RUNX1: variants seen among roughly 807,000 people sequenced by gnomAD.
RUNX1 encodes runt-related transcription factor 1.
RUNX1 carries 19 observed loss-of-function variants against 42.8 expected under a neutral mutation model. The ratio of observed to expected loss-of-function variants is 0.44; its 90% CI spans 0.31 to 0.65. RUNX1 has a LOEUF of 0.65. Ranked by LOEUF, RUNX1 falls within the 30% of genes least tolerant of loss-of-function variation. The pLI is 0.07. For missense variants in RUNX1, 528 were observed against 672.0 expected, an observed-to-expected ratio of 0.79 and a Z score of 2.37; for synonymous variants, 271 against 289.4, an observed-to-expected ratio of 0.94 and a Z score of 0.64.
At chr21:34,950,751 A>G (rs1034045870) in intron 2 of RUNX1, among the ~76,000 whole-genome samples, 2 of 152,096 alleles carry the variant, frequency 1.3e-5, no homozygotes, top group African/African-American at 4.8e-5. Context: ...AATTGCACAC[A>G]TAGTTAGGTG....
rs1392639431 is a variant in RUNX1, at chr21:34,907,691, C to T, written c.59-14728G>A. ...GCCATGTAAAAGTTATCAAGAAAAC[C>T]AATTAAATCATAACTGCCGAAGTGC... On this transcript the variant is annotated intron_variant, in intron 2 of 8. Transcript: ENST00000675419. This position sits in a 1 kb window ranked among gnomAD's most constrained non-coding sequence, Gnocchi z 5.3. 2.0e-5 allele frequency among the ~76,000 whole-genome samples: 3 copies of T among 152,098 alleles called. No homozygotes were observed. The highest frequency in any genetic ancestry group is 4.4e-5 in the Non-Finnish European group (3 of 68,026).
Position 34,989,093 on chromosome 21 carries a change from T to C in RUNX1, c.58+59749A>G, listed in dbSNP as rs552105001. Among the ~76,000 whole-genome samples, 221 of 151,900 alleles carry C rather than the reference T, an allele frequency of 1.5e-3. No homozygotes were observed. The South Asian group carries it at 0.015, about 11-fold the overall frequency. On this transcript the variant is annotated intron_variant, in intron 2 of 8. Transcript: ENST00000675419. The stretch of plus-strand genomic sequence containing the variant: ...GCATGATCTCAGCTCACTGCAACCT[T>C]CACCTTCCACGTTCAAGCGATTCTC...
intron 2 of RUNX1, among the ~76,000 whole-genome samples, chr21:35,037,470 A>T (rs1301370843): frequency 6.6e-6 from 1 of 152,210 alleles, no homozygotes; most frequent in African/African-American, 2.4e-5. Flanking sequence ...GTGCCACCCC[A>T]CAGCGTCGCC....
chr21:34,846,319 G>A (rs1021649082), intron 6 of RUNX1, among the ~76,000 whole-genome samples: 2 of 150,524 alleles, frequency 1.3e-5, no homozygotes, highest in African/African-American at 4.9e-5. Flanking sequence ...CCGGCCTGGG[G>A]TTGATCCATT....
At chr21:35,034,002 T>C (rs1214814138) in intron 2 of RUNX1, among the ~76,000 whole-genome samples, 1 of 152,218 alleles carries the variant, frequency 6.6e-6, no homozygotes, top group Non-Finnish European at 1.5e-5. Context: ...AGATAACTTA[T>C]TTTAAGTTTA....
intron 2 of RUNX1, among the ~76,000 whole-genome samples, chr21:35,026,489 G>A (rs1206265793): frequency 1.3e-5 from 2 of 152,234 alleles, no homozygotes; most frequent in East Asian, 3.8e-4. Flanking sequence ...CAGGCCTCAT[G>A]AGGATGTAGT....
intron 2 of RUNX1, among the ~76,000 whole-genome samples, chr21:34,927,069 C>T (rs1034568479): frequency 6.6e-6 from 1 of 152,044 alleles, no homozygotes; most frequent in Non-Finnish European, 1.5e-5. Context: ...CAAAGAGTTG[C>T]TCCGCCAGCA....
At chr21:34,870,291 T>C (rs1002449485) in intron 5 of RUNX1, among the ~76,000 whole-genome samples, 2 of 152,254 alleles carry the variant, frequency 1.3e-5, no homozygotes, top group Non-Finnish European at 2.9e-5. Flanking sequence ...TCCTAACCTA[T>C]GTCTTGTCTC....
chr21:35,005,525 T>C (rs1417588685), intron 2 of RUNX1, among the ~76,000 whole-genome samples: 1 of 152,120 alleles, frequency 6.6e-6, no homozygotes, highest in Non-Finnish European at 1.5e-5. Flanking sequence ...GAACTATCAG[T>C]TTTCCAGACA....
chr21:34,890,355 G>T (rs1354976350), intron 3 of RUNX1, among the ~76,000 whole-genome samples: 1 of 152,176 alleles, frequency 6.6e-6, no homozygotes. Context: ...ACAGGAAGCC[G>T]CCCCAGAGCC....
chr21:34,807,782 GAAGA>G (rs1194125420), intron 7 of RUNX1, among the ~76,000 whole-genome samples: 1 of 152,210 alleles, frequency 6.6e-6, no homozygotes, highest in East Asian at 1.9e-4. Context: ...GGACCCCTGG[GAAGA>G]AAGGCCTAGG....
chr21:35,004,498 C>A (rs1392310434), intron 2 of RUNX1, among the ~76,000 whole-genome samples: 1 of 152,212 alleles, frequency 6.6e-6, no homozygotes, highest in Non-Finnish European at 1.5e-5. Flanking sequence ...AACAGCACGA[C>A]AATTTCAGGA....
rs540623125 is a variant in RUNX1, at chr21:34,967,060, T to C, written c.59-74097A>G. Among the ~76,000 whole-genome samples, 4 of 151,970 alleles carry C rather than the reference T, an allele frequency of 2.6e-5. No homozygotes were observed. The East Asian group carries it at 7.8e-4, about 30-fold the overall frequency. On this transcript the variant is annotated intron_variant, in intron 2 of 8. Transcript: ENST00000675419. The stretch of plus-strand genomic sequence containing the variant: ...TTCACAAACGTGTTTTTAAGAATAG[T>C]ATTTTCCCAGGCCGGGCGCGGCGGC...
intron 2 of RUNX1, among the ~76,000 whole-genome samples, chr21:34,941,695 G>T (rs2058527903): frequency 6.6e-6 from 1 of 152,124 alleles, no homozygotes; most frequent in Non-Finnish European, 1.5e-5. Context: ...CTTTTTGAAG[G>T]TGATTTTACT....
At chr21:34,990,216 G>C (rs2058926333) in intron 2 of RUNX1, among the ~76,000 whole-genome samples, 1 of 152,136 alleles carries the variant, frequency 6.6e-6, no homozygotes, top group Admixed American at 6.5e-5. Flanking sequence ...ATGCAGCTGG[G>C]TGAGGCATCA....
At chr21:35,025,882 C>T (rs909610500) in intron 2 of RUNX1, among the ~76,000 whole-genome samples, 2 of 152,068 alleles carry the variant, frequency 1.3e-5, no homozygotes, top group South Asian at 2.1e-4. Context: ...TAGATTCTTA[C>T]TCATCTAGGG....
At chr21:35,024,787 GTGA>G (rs1285202079) in intron 2 of RUNX1, among the ~76,000 whole-genome samples, 1 of 152,174 alleles carries the variant, frequency 6.6e-6, no homozygotes, top group Non-Finnish European at 1.5e-5. Context: ...TTCTTTTCTA[GTGA>G]TGATGAAATT....
chr21:35,011,688 A>G (rs1452616309), intron 2 of RUNX1, among the ~76,000 whole-genome samples: 1 of 152,230 alleles, frequency 6.6e-6, no homozygotes, highest in Non-Finnish European at 1.5e-5. Context: ...CATCACTTCA[A>G]CAGCGAGTGG....
Position 34,936,859 on chromosome 21 carries a change from CT to C in RUNX1, c.59-43897del, listed in dbSNP as rs912872678. On this transcript the variant is annotated intron_variant, in intron 2 of 8. Transcript: ENST00000675419. ...AAATACTTGACAGTTGAAAAGAATT[CT>C]TTTTTTTTCTTCCTATCCAGACTAT... is the stretch of plus-strand genomic sequence containing the variant. Among the ~76,000 whole-genome samples the C allele has an allele frequency of 4.6e-5, 7 of 151,444 alleles. No homozygotes were observed. In the East Asian group the frequency reaches 5.8e-4, roughly 13 times the overall value.
Sources: allele counts gnomAD v4.1 joint callset (sites outside exome capture counted in the v4.1 genomes callset), GRCh38; gene constraint gnomAD v4.1.1; non-coding constraint Gnocchi (gnomAD v3.1); transcripts MANE v1.5; gene names NCBI Gene and HGNC (gene_info 2026-07-23, HGNC 2026-07-21).